Variants in SNX1 observed in about 807,000 individuals in gnomAD.
The protein encoded by SNX1 is sorting nexin 1.
Under a neutral mutation model 71.8 loss-of-function variants are expected in SNX1, and 36 were observed. That is an observed-to-expected ratio of 0.50 (90% CI 0.38 to 0.66). The LOEUF (loss-of-function observed/expected upper bound fraction) is 0.66, where lower values mean the gene tolerates loss of function less well. Among genes scored for constraint, SNX1 ranks in the 30% least tolerant of loss-of-function variants. The probability of loss-of-function intolerance (pLI) is 0.00; values close to 1 mark genes in which losing one functional copy is unlikely to be tolerated. For synonymous variants in SNX1, 254 were observed against 240.7 expected (o/e 1.06, Z -0.51); for missense variants, 612 against 646.7 (o/e 0.95, Z 0.58).
chr15:64,131,925 T>A, intron 11 of SNX1, 33 bp downstream of exon 11: 1 of 1,604,152 alleles, frequency 6.2e-7, no homozygotes, highest in Non-Finnish European at 8.5e-7. Context: ...CCTCCTTCCC[T>A]TGATTTGATT....
At chr15:64,130,408 C>T (rs977497979) in intron 10 of SNX1, 87 bp downstream of exon 10, 1 of 1,081,518 alleles carries the variant, frequency 9.2e-7, no homozygotes, top group Non-Finnish European at 1.4e-6. Flanking sequence ...TTCCAATCCT[C>T]TCAGCCATCC....
chr15:64,127,353 C>T (rs2081264493), intron 7 of SNX1, 101 bp downstream of exon 7: 9 of 920,900 alleles, frequency 9.8e-6, no homozygotes, highest in South Asian at 1.6e-5. Flanking sequence ...AGAGATGAAA[C>T]GTGAATAAAT....
At position 64,126,114 on chromosome 15, in the gene SNX1, A is replaced by C; in HGVS notation, c.546A>C (p.Ala182=). The C allele has an allele frequency of 1.2e-6, 2 of 1,614,198 alleles. No individual in the cohort carries two copies. Among genetic ancestry groups the C allele is most frequent in the Non-Finnish European group, 1.7e-6 (2 of 1,180,018 alleles). Reference sequence around the variant, plus strand: ...CATTGTTCAGAAGCAAACAGTTTGCAGTAAAAAGAAGATTTAGTGACTTTC... The same window carrying C: ...CATTGTTCAGAAGCAAACAGTTTGCCGTAAAAAGAAGATTTAGTGACTTTC... ...SLPLFRSKQF[A]VKRRFSDFLG... Residue 182 remains alanine (A), a synonymous_variant, in exon 6 of 15, where the codon GCA becomes GCC. Transcript: ENST00000559844.
intron 4 of SNX1, among the ~76,000 whole-genome samples, chr15:64,119,515 A>C (rs2081169713): frequency 1.3e-5 from 2 of 152,112 alleles, no homozygotes; most frequent in Non-Finnish European, 2.9e-5. Context: ...AGATCACTTG[A>C]GGTCAGGAGT....
chr15:64,102,325 A>G (rs1248554182), intron 1 of SNX1, among the ~76,000 whole-genome samples: 1 of 152,216 alleles, frequency 6.6e-6, no homozygotes, highest in Non-Finnish European at 1.5e-5. Flanking sequence ...ATATCTGTAT[A>G]CAAAGTGTGA....
Position 64,129,289 on chromosome 15 carries a change from T to C in SNX1, c.808-627T>C, listed in dbSNP as rs536450487. 6.6e-6 allele frequency among the ~76,000 whole-genome samples: 1 copy of C among 152,076 alleles called. No individual in the cohort carries two copies. The highest frequency in any genetic ancestry group is 2.1e-4 in the South Asian group (1 of 4,812). On this transcript the variant is annotated intron_variant, in intron 8 of 14. Transcript: ENST00000559844. This position sits in a 1 kb window ranked among gnomAD's most constrained non-coding sequence, Gnocchi z 4.4. The stretch of plus-strand genomic sequence containing the variant: ...ACTACTGCCATAGAGTCCTGAACAC[T>C]AAAATCTGACTTTTTAGCATAGTGT...
chr15:64,129,903 C>T lies in SNX1; in HGVS notation c.808-13C>T. On this transcript the variant is annotated splice_polypyrimidine_tract_variant and intron_variant, in intron 8 of 14. Coordinates refer to ENST00000559844, the MANE Select transcript of SNX1 (RefSeq NM_003099.5). This position sits in a 1 kb window ranked among gnomAD's most constrained non-coding sequence, Gnocchi z 4.4. ...GCAGATAACTTGCCATCCCTGCCTT[C>T]TTGGTCTTGTAGCTGCCACGTGCCG... is the stretch of plus-strand genomic sequence containing the variant. 1 of 1,603,748 alleles carries T rather than the reference C, an allele frequency of 6.2e-7. No homozygotes were observed. The highest frequency in any genetic ancestry group is 8.5e-7 in the Non-Finnish European group (1 of 1,170,660).
At chr15:64,124,147 C>CATATAT (rs10523424) in intron 5 of SNX1, among the ~76,000 whole-genome samples, 1,494 of 105,040 alleles carry the variant, frequency 0.014, 57 homozygotes, top group African/African-American at 0.04. Context: ...GAAATCTTTA[C>CATATAT]ATATATATAT....
rs1207634725 is a variant in SNX1, at chr15:64,141,023, AGATGATAGATATAGATAGATAGATAGATT to A, written c.*3409_*3437del. On this transcript the variant is annotated 3_prime_UTR_variant, in exon 15 of 15. Coordinates refer to ENST00000559844, the MANE Select transcript of SNX1 (RefSeq NM_003099.5). This position sits in a 1 kb window ranked among gnomAD's most constrained non-coding sequence, Gnocchi z 5.1. ...TAGATAGATAGATAGATAGATAGAT[AGATGATAGATATAGATAGATAGATAGATT>A]GATTGATTTGTAGAAACAAGATAGG... 298 of 151,464 alleles carry A rather than the reference AGATGATAGATATAGATAGATAGATAGATT, an allele frequency of 2.0e-3. No homozygotes were observed. Among genetic ancestry groups the A allele is most frequent in the African/African-American group, 7.2e-3 (292 of 40,744 alleles). The allele number at this position is 151,464 out of a possible 1,614,324, so 9.4% of individuals were successfully genotyped here.
chr15:64,138,093 C>T lies in SNX1; in HGVS notation c.*475C>T, dbSNP rs2081379191. 1 of 1,535,834 alleles carries T rather than the reference C, an allele frequency of 6.5e-7. No individual in the cohort carries two copies. Among genetic ancestry groups the T allele is most frequent in the Non-Finnish European group, 8.7e-7 (1 of 1,146,844 alleles). ...TGGAATACTCCTAACCAAGAAGTTG[C>T]CCAGGTATAGTAAGTTTTTCTCTAC... On this transcript the variant is annotated 3_prime_UTR_variant, in exon 15 of 15. Coordinates refer to ENST00000559844, the MANE Select transcript of SNX1 (RefSeq NM_003099.5).
intron 11 of SNX1, among the ~76,000 whole-genome samples, chr15:64,133,223 A>T (rs1308221805): frequency 6.6e-6 from 1 of 152,220 alleles, no homozygotes; most frequent in Non-Finnish European, 1.5e-5. Flanking sequence ...CTCTTCCCTG[A>T]GCATGGAGCC....
intron 5 of SNX1, among the ~76,000 whole-genome samples, chr15:64,124,609 A>G (rs1235046850): frequency 6.6e-6 from 1 of 151,434 alleles, no homozygotes; most frequent in African/African-American, 2.4e-5. Flanking sequence ...TAGTTAGTTC[A>G]TATACCACAA....
chr15:64,110,393 A>T (rs1327709994), intron 1 of SNX1, among the ~76,000 whole-genome samples: 1 of 152,010 alleles, frequency 6.6e-6, no homozygotes, highest in Non-Finnish European at 1.5e-5. Context: ...TTTTAATCAC[A>T]GTTTGGGTTT....
rs191214888 is a variant in SNX1, at chr15:64,139,082, A to G, written c.*1464A>G. ...GTTTTTGGAAAAAGTCACTCTCCCT[A>G]CCCCTCAGTATCCTTACCATCAACT... On this transcript the variant is annotated 3_prime_UTR_variant, in exon 15 of 15. Coordinates refer to ENST00000559844, the MANE Select transcript of SNX1 (RefSeq NM_003099.5). 1 of 152,216 alleles carries G rather than the reference A, an allele frequency of 6.6e-6. No homozygotes were observed. The highest frequency in any genetic ancestry group is 2.4e-5 in the African/African-American group (1 of 41,534). The allele number at this position is 152,216 out of a possible 1,614,324, so 9.4% of individuals were successfully genotyped here. A position where few individuals can be genotyped will look rare whatever the true frequency, so the allele number is the denominator to read the frequency against.
At chr15:64,108,158 A>G (rs563044207) in intron 1 of SNX1, among the ~76,000 whole-genome samples, 1 of 150,508 alleles carries the variant, frequency 6.6e-6, no homozygotes, top group African/African-American at 2.4e-5. Context: ...GCGCCACTGC[A>G]CTCCAGCCTG....
At chr15:64,098,099 G>A (rs1238200469) in intron 1 of SNX1, among the ~76,000 whole-genome samples, 3 of 152,184 alleles carry the variant, frequency 2.0e-5, no homozygotes, top group African/African-American at 7.2e-5. Context: ...GAACTTCTGG[G>A]CTCAATGGAT....
At chr15:64,128,944 C>G (rs1397645585) in intron 8 of SNX1, among the ~76,000 whole-genome samples, 1 of 152,038 alleles carries the variant, frequency 6.6e-6, no homozygotes, top group Non-Finnish European at 1.5e-5. Flanking sequence ...CAAAGTGGCC[C>G]CAAGTTTAGA....
At chr15:64,117,577 A>C (rs2081143041) in intron 2 of SNX1, among the ~76,000 whole-genome samples, 1 of 152,192 alleles carries the variant, frequency 6.6e-6, no homozygotes, top group South Asian at 2.1e-4. Context: ...CAATTATAAC[A>C]AGAATAAATA....
At chr15:64,118,279 G>C in intron 3 of SNX1, 35 bp downstream of exon 3, 2 of 1,592,630 alleles carry the variant, frequency 1.3e-6, no homozygotes, top group Non-Finnish European at 1.7e-6. Context: ...ATCGCTTTTA[G>C]ATATTGAGGA....
Sources: allele counts gnomAD v4.1 joint callset (sites outside exome capture counted in the v4.1 genomes callset), GRCh38; gene constraint gnomAD v4.1.1; non-coding constraint Gnocchi (gnomAD v3.1); transcripts MANE v1.5; gene names NCBI Gene and HGNC (gene_info 2026-07-23, HGNC 2026-07-21).